The following CDC123 variants were observed in gnomAD, a reference collection of about 807,000 sequenced individuals.
CDC123 encodes translation initiation factor eIF2 assembly protein.
Under a neutral mutation model 54.4 loss-of-function variants are expected in CDC123, and 37 were observed. The observed-to-expected ratio is 0.68, with a 90% confidence interval of 0.52 to 0.89. CDC123 has a LOEUF of 0.89. CDC123 is among the 40% of genes least tolerant of loss of function. CDC123 has a pLI of 0.00. For synonymous variants in CDC123, 144 were observed against 136.8 expected (o/e 1.05, Z -0.37); for missense variants, 361 against 412.1 (o/e 0.88, Z 1.07).
chr10:12,203,908 C>T (rs1835478903), intron 2 of CDC123, among the ~76,000 whole-genome samples: 2 of 151,942 alleles, frequency 1.3e-5, no homozygotes, highest in Non-Finnish European at 1.5e-5. Context: ...GTCTGGCCAA[C>T]ATAGTGGGGC....
At chr10:12,198,102 G>A (rs1835390407) in intron 1 of CDC123, among the ~76,000 whole-genome samples, 1 of 152,142 alleles carries the variant, frequency 6.6e-6, no homozygotes, top group Non-Finnish European at 1.5e-5. Context: ...AGAGACTTCA[G>A]GTATGGCTTT....
chr10:12,228,060 T>C (rs1049963559), intron 6 of CDC123, among the ~76,000 whole-genome samples: 3 of 151,880 alleles, frequency 2.0e-5, no homozygotes, highest in African/African-American at 7.3e-5. Context: ...CTCAGCCTTC[T>C]GAGTAGCTGG....
intron 2 of CDC123, among the ~76,000 whole-genome samples, chr10:12,203,989 A>G (rs1835479902): frequency 6.6e-6 from 1 of 151,540 alleles, no homozygotes; most frequent in Non-Finnish European, 1.5e-5. Flanking sequence ...GCTGCTCAGG[A>G]GGCTGACACA....
intron 2 of CDC123, among the ~76,000 whole-genome samples, chr10:12,199,091 T>TGA (rs1392065105): frequency 1.3e-5 from 2 of 152,206 alleles, no homozygotes; most frequent in Non-Finnish European, 2.9e-5. Context: ...TTCTTTGAGA[T>TGA]CCTTCAGTTT....
chr10:12,248,735 G>A (rs1836194273), intron 11 of CDC123, among the ~76,000 whole-genome samples: 2 of 152,026 alleles, frequency 1.3e-5, no homozygotes, highest in South Asian at 4.1e-4. Flanking sequence ...GAACCTGGGA[G>A]GTGGAGGTTG....
At chr10:12,217,232 G>A in intron 5 of CDC123, 129 bp from the exon 6 acceptor site, 2 of 821,958 alleles carry the variant, frequency 2.4e-6, no homozygotes. Context: ...TGACAGTACT[G>A]CTTAAATTTA....
At chr10:12,225,756 T>C (rs1835804180) in intron 6 of CDC123, among the ~76,000 whole-genome samples, 1 of 137,060 alleles carries the variant, frequency 7.3e-6, no homozygotes, top group Non-Finnish European at 1.6e-5. Flanking sequence ...CTTTTTTTTT[T>C]TTTTTTTTTT....
At chr10:12,214,478 C>T (rs183860267) in intron 4 of CDC123, among the ~76,000 whole-genome samples, 2 of 152,328 alleles carry the variant, frequency 1.3e-5, no homozygotes, top group African/African-American at 4.8e-5. Flanking sequence ...AGTCTCATTT[C>T]ATGTATCTAA....
chr10:12,229,343 T>G (rs1835868798), intron 6 of CDC123, among the ~76,000 whole-genome samples: 1 of 152,226 alleles, frequency 6.6e-6, no homozygotes, highest in Non-Finnish European at 1.5e-5. Context: ...CCAAGTCCCC[T>G]GGGTGGGCAC....
At chr10:12,206,134 C>G (rs1473099326) in intron 2 of CDC123, among the ~76,000 whole-genome samples, 1 of 152,148 alleles carries the variant, frequency 6.6e-6, no homozygotes, top group Non-Finnish European at 1.5e-5. Flanking sequence ...TCACCTTTTA[C>G]AGTGAATAAA....
intron 6 of CDC123, among the ~76,000 whole-genome samples, chr10:12,224,090 A>G (rs930202199): frequency 1.3e-5 from 2 of 151,538 alleles, no homozygotes; most frequent in Non-Finnish European, 2.9e-5. Context: ...CTTAGCTCCC[A>G]CTTACAAGTG....
rs1328851749 is a variant in CDC123 at position 12,201,761 on chromosome 10, C to T, written c.146+2985C>T. Among the ~76,000 whole-genome samples the T allele has an allele frequency of 4.6e-5, 7 of 152,254 alleles. 1 individual carries two copies. Among genetic ancestry groups the T allele is most frequent in the African/African-American group, 1.4e-4 (6 of 41,550 alleles). ...GCAAGAGAATGACTCGATCAGATTT[C>T]AGTTTGCAGCTGTGGCAGGTGACTG... On this transcript the variant is annotated intron_variant, in intron 2 of 12. Coordinates refer to ENST00000281141, the MANE Select transcript of CDC123 (RefSeq NM_006023.3).
rs1015841485 is a variant in CDC123 at position 12,246,417 on chromosome 10, A to G, written c.846+140A>G. 17 of 877,110 alleles carry G rather than the reference A, an allele frequency of 1.9e-5. No homozygotes were observed. The African/African-American group carries it at 2.9e-4, about 15-fold the overall frequency. 54.3% of individuals were successfully genotyped at this position (877,110 alleles called of 1,614,324 possible). On this transcript the variant is annotated intron_variant, in intron 11 of 12. Coordinates refer to ENST00000281141, the MANE Select transcript of CDC123 (RefSeq NM_006023.3). ...TGTAACACAGCTTTACTAATAGCTA[A>G]CCTGCCCATGGTGGTGGTCAAAGAA...
intron 1 of CDC123, among the ~76,000 whole-genome samples, chr10:12,198,330 G>A (rs1266125285): frequency 6.6e-6 from 1 of 152,176 alleles, no homozygotes; most frequent in Admixed American, 6.5e-5. Flanking sequence ...CCAAATGCTA[G>A]TCATCTTCTA....
chr10:12,230,866 CAT>C (rs2131753683), intron 6 of CDC123, 80 bp from the exon 7 acceptor site: 1 of 1,290,208 alleles, frequency 7.8e-7, no homozygotes, highest in East Asian at 2.3e-5. Context: ...ACGTTACTCT[CAT>C]GTTAAATATA....
At chr10:12,233,438 T>G (rs1320944258) in intron 7 of CDC123, among the ~76,000 whole-genome samples, 3 of 152,154 alleles carry the variant, frequency 2.0e-5, no homozygotes, top group Non-Finnish European at 4.4e-5. Context: ...GGAGAGACAC[T>G]CCCTATCCCC....
intron 6 of CDC123, among the ~76,000 whole-genome samples, chr10:12,223,834 T>C (rs1835769290): frequency 6.6e-6 from 1 of 152,224 alleles, no homozygotes; most frequent in Admixed American, 6.5e-5. Context: ...TTATCTGTCA[T>C]TGACGTACAC....
At chr10:12,224,817 G>A (rs1416297106) in intron 6 of CDC123, among the ~76,000 whole-genome samples, 3 of 152,010 alleles carry the variant, frequency 2.0e-5, no homozygotes, top group Admixed American at 6.6e-5. Flanking sequence ...TTCTTGAGAC[G>A]GAGCCTTTTT....
chr10:12,246,998 C>T (rs111957661), intron 11 of CDC123: 13 of 122,952 alleles, frequency 1.1e-4, no homozygotes, highest in South Asian at 2.9e-4. Context: ...CACTGTCCTC[C>T]TCTCTCACCT....
Sources: allele counts gnomAD v4.1 joint callset (sites outside exome capture counted in the v4.1 genomes callset), GRCh38; gene constraint gnomAD v4.1.1; transcripts MANE v1.5; gene names NCBI Gene and HGNC (gene_info 2026-07-23, HGNC 2026-07-21).